The following COG5 variants were observed in gnomAD, a reference collection of about 807,000 sequenced individuals.
COG5 encodes the protein component of oligomeric golgi complex 5, also known as conserved oligomeric Golgi complex subunit 5.
COG5 carries 86 observed loss-of-function variants against 110.4 expected under a neutral mutation model. The observed-to-expected ratio is 0.78, with a 90% CI of 0.65 to 0.93. The LOEUF (loss-of-function observed/expected upper bound fraction) is 0.93, where lower values mean the gene tolerates loss of function less well. Ranked by LOEUF, COG5 falls within the 40% of genes least tolerant of loss-of-function variation. The pLI, the probability that COG5 is intolerant of heterozygous loss-of-function variation, is 0.00. For missense variants in COG5, 1,077 were observed against 987.0 expected (o/e 1.09, Z -1.22); for synonymous variants, 360 against 334.6 (o/e 1.08, Z -0.83).
chr7:107,518,546 A>T (rs1800106700), intron 6 of COG5, among the ~76,000 whole-genome samples: 1 of 152,076 alleles, frequency 6.6e-6, no homozygotes, highest in Non-Finnish European at 1.5e-5. Context: ...ACCAACAAAG[A>T]TCAAAAAAGA....
intron 6 of COG5, among the ~76,000 whole-genome samples, chr7:107,518,064 A>G (rs1800064688): frequency 6.6e-6 from 1 of 152,122 alleles, no homozygotes; most frequent in Non-Finnish European, 1.5e-5. Context: ...CTTCATGAAC[A>G]AAGCAGAAAT....
At chr7:107,451,991 C>G (rs1795368715) in intron 6 of COG5, among the ~76,000 whole-genome samples, 1 of 152,016 alleles carries the variant, frequency 6.6e-6, no homozygotes, top group African/African-American at 2.4e-5. Context: ...TATGATTATC[C>G]CTCACAGAAC....
chr7:107,410,395 A>T (rs1046075806), intron 7 of COG5, among the ~76,000 whole-genome samples: 6 of 152,194 alleles, frequency 3.9e-5, no homozygotes, highest in Admixed American at 3.9e-4. Flanking sequence ...AAAACCATCG[A>T]GTAGTAAAGA....
chr7:107,561,383 C>T (rs150302961), intron 1 of COG5, among the ~76,000 whole-genome samples: 91 of 152,278 alleles, frequency 6.0e-4, no homozygotes, highest in African/African-American at 2.0e-3. Context: ...ACAGAGACCG[C>T]TTAATTCAGA....
chr7:107,553,333 T>C (rs2129176412), intron 3 of COG5, among the ~76,000 whole-genome samples: 1 of 152,360 alleles, frequency 6.6e-6, no homozygotes, highest in East Asian at 1.9e-4. Flanking sequence ...CCTAGTCAGA[T>C]ATGTATCCCA....
At position 107,295,095 on chromosome 7, in the gene COG5, ATATATAT is replaced by A. The variant is rs1409278277; in HGVS notation, c.1313+3040_1313+3046del. Among the ~76,000 whole-genome samples, 55 of 75,834 alleles carry A rather than the reference ATATATAT, an allele frequency of 7.3e-4. 1 individual carries two copies. The highest frequency in any genetic ancestry group is 2.4e-3 in the African/African-American group (44 of 18,514). 49.8% of individuals were successfully genotyped at this position (75,834 alleles called of 152,430 possible). Reference sequence around the variant, plus strand: ...TATATATATATATATATATATATATATATATATTTTTTTTTTTTTTTTGTAGAGTCAG... The same window carrying A: ...TATATATATATATATATATATATATATTTTTTTTTTTTTTTGTAGAGTCAG... On this transcript the variant is annotated intron_variant, in intron 12 of 21. Transcript: ENST00000297135.
chr7:107,445,187 C>T lies in COG5; in HGVS notation c.539-32555G>A, dbSNP rs926236833. ...CTGCACTCCAGCCTGGGCAACACAG[C>T]AAGACCCTGTCTCAAAAAAAAATGT... On this transcript the variant is annotated intron_variant, in intron 6 of 21. Transcript: ENST00000297135. Among the ~76,000 whole-genome samples, 4 of 152,018 alleles carry T rather than the reference C, an allele frequency of 2.6e-5. No homozygotes were observed. In the East Asian group the frequency reaches 7.7e-4, roughly 29 times the overall value.
At chr7:107,556,452 T>A (rs1398617063) in intron 2 of COG5, among the ~76,000 whole-genome samples, 1 of 152,204 alleles carries the variant, frequency 6.6e-6, no homozygotes, top group African/African-American at 2.4e-5. Context: ...AAATACATTT[T>A]AAGTTCTTAT....
At chr7:107,287,748 G>T (rs1363271256) in intron 12 of COG5, among the ~76,000 whole-genome samples, 2 of 152,146 alleles carry the variant, frequency 1.3e-5, no homozygotes, top group Admixed American at 1.3e-4. Flanking sequence ...GTGTGTATCT[G>T]TGTATGTGTG....
At chr7:107,514,329 TACACACAC>T (rs61351697) in intron 6 of COG5, among the ~76,000 whole-genome samples, 14,600 of 145,666 alleles carry the variant, frequency 0.1, 900 homozygotes, top group Non-Finnish European at 0.14. Flanking sequence ...TGGCCTATTT[TACACACAC>T]ACACACACAC....
intron 6 of COG5, among the ~76,000 whole-genome samples, chr7:107,469,843 T>A (rs1053492101): frequency 2.0e-5 from 3 of 152,156 alleles, no homozygotes; most frequent in African/African-American, 7.2e-5. Flanking sequence ...TACACATTTT[T>A]AAAATACTAA....
intron 7 of COG5, among the ~76,000 whole-genome samples, chr7:107,400,518 G>A (rs1412366764): frequency 6.6e-6 from 1 of 152,088 alleles, no homozygotes; most frequent in African/African-American, 2.4e-5. Context: ...GAAGCAGAAA[G>A]CAATTACACA....
chr7:107,444,869 T>A (rs551646960), intron 6 of COG5, among the ~76,000 whole-genome samples: 30 of 152,212 alleles, frequency 2.0e-4, no homozygotes, highest in Non-Finnish European at 3.7e-4. Context: ...CATACCCTCA[T>A]AATTTCTTAT....
intron 11 of COG5, among the ~76,000 whole-genome samples, chr7:107,309,544 T>C (rs886469278): frequency 1.3e-5 from 2 of 152,156 alleles, no homozygotes; most frequent in African/African-American, 4.8e-5. Flanking sequence ...AATGCTACCA[T>C]CAATATCTTG....
chr7:107,316,202 T>C (rs1401558969), intron 11 of COG5, among the ~76,000 whole-genome samples: 1 of 152,204 alleles, frequency 6.6e-6, no homozygotes, highest in Non-Finnish European at 1.5e-5. Context: ...TTTTATTTTT[T>C]ATTACATGGG....
intron 6 of COG5, among the ~76,000 whole-genome samples, chr7:107,449,583 A>G (rs1795212742): frequency 6.6e-6 from 1 of 152,234 alleles, no homozygotes; most frequent in African/African-American, 2.4e-5. Context: ...ATGCAATACC[A>G]TAAACCTTGA....
At chr7:107,437,234 C>T (rs928823220) in intron 6 of COG5, among the ~76,000 whole-genome samples, 3 of 152,180 alleles carry the variant, frequency 2.0e-5, no homozygotes, top group South Asian at 4.1e-4. Flanking sequence ...TGATTTCTTT[C>T]TGACTACGTC....
intron 10 of COG5, among the ~76,000 whole-genome samples, chr7:107,343,417 A>G (rs1243849968): frequency 6.6e-6 from 1 of 152,228 alleles, no homozygotes; most frequent in Admixed American, 6.5e-5. Flanking sequence ...ATAGTGGTTC[A>G]TGCCTGCAAT....
At chr7:107,213,489 A>G (rs1489283375) in intron 19 of COG5, among the ~76,000 whole-genome samples, 1 of 152,108 alleles carries the variant, frequency 6.6e-6, no homozygotes, top group African/African-American at 2.4e-5. Flanking sequence ...GACCTACCCA[A>G]CTGCATAACC....
Sources: gnomAD v4.1 joint callset for allele counts (sites outside exome capture counted in the v4.1 genomes callset) on GRCh38, gnomAD v4.1.1 for gene constraint, MANE v1.5 for transcripts, NCBI Gene and HGNC (gene_info 2026-07-23, HGNC 2026-07-21) for gene names.